The following ZNF385C variants were observed in gnomAD, a reference collection of about 807,000 sequenced individuals.
ZNF385C encodes the protein zinc finger protein 385C, also known as CTD-2132N18.2.
A neutral mutation model predicts 35.4 loss-of-function variants in ZNF385C; 28 were observed. That is an observed-to-expected ratio of 0.79 (90% CI 0.59 to 1.08). The LOEUF is 1.08. Among genes scored for constraint, ZNF385C ranks in the 50% least tolerant of loss-of-function variants. ZNF385C has a pLI of 0.00. For synonymous variants in ZNF385C, 248 were observed against 248.2 expected, an observed-to-expected ratio of 1.00 and a Z score of 0.01; for missense variants, 605 against 595.6, an observed-to-expected ratio of 1.02 and a Z score of -0.16.
chr17:42,060,586 G>A (rs1007822101), intron 2 of ZNF385C, among the ~76,000 whole-genome samples: 2 of 152,194 alleles, frequency 1.3e-5, no homozygotes, highest in Non-Finnish European at 2.9e-5. Context: ...CACCCAAAGA[G>A]CCATGGGCTT....
At position 42,039,629 on chromosome 17, in the gene ZNF385C, A is replaced by T. The variant is rs1193576739; in HGVS notation, c.251-1744T>A. ...GCAGTCAGCAGATCATCTTGGGTGC[A>T]GCATGGTCAAGTCTAGGTTGGCCCT... On this transcript the variant is annotated intron_variant, in intron 2 of 8. Transcript: ENST00000692273. 5.0e-6 allele frequency: 6 copies of T among 1,192,012 alleles called. No homozygotes were observed. In the African/African-American group the frequency reaches 9.4e-5, roughly 19 times the overall value. 73.8% of individuals were successfully genotyped at this position (1,192,012 alleles called of 1,614,324 possible). A position where few individuals can be genotyped will look rare whatever the true frequency, so the allele number is the denominator to read the frequency against.
In ZNF385C at chr17:42,028,942, A is replaced by T. The variant is rs1382232188; in HGVS notation, c.808T>A (p.Ser270Thr). 6 of 1,550,456 alleles carry T rather than the reference A, an allele frequency of 3.9e-6. No homozygotes were observed. The highest frequency in any genetic ancestry group is 5.2e-6 in the Non-Finnish European group (6 of 1,147,016). ...SSSSSSCPPC[S>T]PEPGREAPGP... is the part of the protein sequence containing the mutation. The stretch of plus-strand genomic sequence containing the variant: ...GGTGCCTCTCTCCCAGGCTCTGGGG[A>T]GCAAGGTGGGCAGGAGGAAGAAGAG... Residue 270 changes from serine (S) to threonine (T), a missense_variant, in exon 6 of 9, where the codon TCC becomes ACC. Physicochemically the swap from Ser to Thr is moderately conservative, Grantham distance 58 (BLOSUM62 1). Coordinates refer to ENST00000692273, the MANE Select transcript of ZNF385C (RefSeq NM_001392013.1).
At chr17:42,093,984 CT>C (rs782233998) in intron 1 of ZNF385C, among the ~76,000 whole-genome samples, 296 of 137,352 alleles carry the variant, frequency 2.2e-3, no homozygotes, top group East Asian at 4.0e-3. Flanking sequence ...GCATTATCAC[CT>C]TTTTTTTTTT....
At chr17:42,032,407 T>G (rs2052751467) in intron 4 of ZNF385C, among the ~76,000 whole-genome samples, 1 of 152,140 alleles carries the variant, frequency 6.6e-6, no homozygotes, top group African/African-American at 2.4e-5. Context: ...CTGAGTCTCC[T>G]CACCCATAAA....
chr17:42,066,184 C>T (rs781863638), intron 1 of ZNF385C, among the ~76,000 whole-genome samples: 6 of 152,072 alleles, frequency 3.9e-5, no homozygotes, highest in Admixed American at 2.0e-4. Flanking sequence ...CTCAGCCTCC[C>T]GAGTAGCTGG....
intron 1 of ZNF385C, among the ~76,000 whole-genome samples, chr17:42,069,947 C>G (rs2053600458): frequency 6.6e-6 from 1 of 152,172 alleles, no homozygotes; most frequent in Non-Finnish European, 1.5e-5. Context: ...GAGGCTGAGG[C>G]AGGAGAATTG....
intron 2 of ZNF385C, among the ~76,000 whole-genome samples, chr17:42,051,067 C>A (rs1555657082): frequency 6.6e-6 from 1 of 152,004 alleles, no homozygotes; most frequent in Non-Finnish European, 1.5e-5. Context: ...AGGGGAAGGG[C>A]ACTCCAGGCC....
chr17:42,047,659 CT>C (rs1233518697), intron 2 of ZNF385C, among the ~76,000 whole-genome samples: 31 of 146,194 alleles, frequency 2.1e-4, no homozygotes, highest in African/African-American at 4.3e-4. Flanking sequence ...TTCCTTGGGA[CT>C]TTTTTTTTTT....
At chr17:42,090,277 C>CTTTTTTTTTTTTTTTTTT (rs1162613191) in intron 1 of ZNF385C, among the ~76,000 whole-genome samples, 1 of 98,892 alleles carries the variant, frequency 1.0e-5, no homozygotes, top group African/African-American at 5.9e-5. Context: ...CTCTTATTCC[C>CTTTTTTTTTTTTTTTTTT]TTTTTTTTTT....
At chr17:42,043,617 G>C in intron 2 of ZNF385C, 1 of 353,294 alleles carries the variant, frequency 2.8e-6, no homozygotes, top group East Asian at 4.2e-5. Context: ...GGTAGGGGTG[G>C]TTTAGGGTGG....
chr17:42,029,666 A>T (rs1034595591), intron 5 of ZNF385C, among the ~76,000 whole-genome samples: 2 of 151,850 alleles, frequency 1.3e-5, no homozygotes, highest in Admixed American at 1.3e-4. Flanking sequence ...GTGAACTGAG[A>T]TCACACCACT....
Position 42,026,817 on chromosome 17 carries a change from T to C in ZNF385C, c.*80A>G. The C allele has an allele frequency of 7.4e-7, 1 of 1,353,252 alleles. No homozygotes were observed. The highest frequency in any genetic ancestry group is 1.0e-6 in the Non-Finnish European group (1 of 966,358). The allele number at this position is 1,353,252 out of a possible 1,614,324, so 83.8% of individuals were successfully genotyped here. On this transcript the variant is annotated 3_prime_UTR_variant, in exon 9 of 9. Coordinates refer to ENST00000692273, the MANE Select transcript of ZNF385C (RefSeq NM_001392013.1). Reference sequence around the variant, plus strand: ...GAAGCTGTTCACAGTCCCTGTGGCATGTAGGAAACCAAGGTGTCTCAGGAC... The same window carrying C: ...GAAGCTGTTCACAGTCCCTGTGGCACGTAGGAAACCAAGGTGTCTCAGGAC...
chr17:42,060,402 A>G lies in ZNF385C; in HGVS notation c.250+2405T>C, dbSNP rs2053442969. On this transcript the variant is annotated intron_variant, in intron 2 of 8. Coordinates refer to ENST00000692273, the MANE Select transcript of ZNF385C (RefSeq NM_001392013.1). ...ACCTTCAGAACAAAGGTCAAAGCCC[A>G]GCCTGGTGGCAAGGCTCTTGCAGGT... Among the ~76,000 whole-genome samples the G allele has an allele frequency of 1.3e-5, 2 of 152,222 alleles. 1 individual carries two copies. Among genetic ancestry groups the G allele is most frequent in the South Asian group, 4.1e-4 (2 of 4,828 alleles).
chr17:42,028,101 G>A lies in ZNF385C; in HGVS notation c.1113C>T (p.Phe371=). ...CCTGGAGCTGACAGAGAGCACAGTGGAAGGCAGGGCTGGGCCCCTGCCGGC... is the reference window on the plus strand; with the variant it reads ...CCTGGAGCTGACAGAGAGCACAGTGAAAGGCAGGGCTGGGCCCCTGCCGGC... ...RGGRQGPSPA[F]HCALCQLQVN... Residue 371 remains phenylalanine, a synonymous_variant, in exon 7 of 9, where the codon TTC becomes TTT. Coordinates refer to ENST00000692273, the MANE Select transcript of ZNF385C (RefSeq NM_001392013.1). 1 of 1,613,764 alleles carries A rather than the reference G, an allele frequency of 6.2e-7. No individual in the cohort carries two copies. Among genetic ancestry groups the A allele is most frequent in the Non-Finnish European group, 8.5e-7 (1 of 1,179,918 alleles).
intron 2 of ZNF385C, chr17:42,040,102 A>C: frequency 1.7e-5 from 21 of 1,231,308 alleles, no homozygotes; most frequent in Non-Finnish European, 2.1e-5. Flanking sequence ...GCCGCGCAGC[A>C]GCACCCGCAG....
intron 7 of ZNF385C, 124 bp downstream of exon 7, chr17:42,027,926 G>C: frequency 7.5e-7 from 1 of 1,332,108 alleles, no homozygotes; most frequent in South Asian, 1.4e-5. Context: ...TGGCCTGCTG[G>C]CCTCGCTTCT....
intron 1 of ZNF385C, among the ~76,000 whole-genome samples, chr17:42,083,877 C>A (rs747496380): frequency 6.6e-6 from 1 of 151,818 alleles, no homozygotes; most frequent in Non-Finnish European, 1.5e-5. Flanking sequence ...CACCAATACA[C>A]CAGGCTAATT....
At position 42,034,323 on chromosome 17, in the gene ZNF385C, G is replaced by A; in HGVS notation, c.412C>T (p.Gln138Ter). ...FPNFSTMDPV[Q>*]KAVISHTFGV... ...AACGTGTGGCTGATGACAGCTTTCT[G>A]GACCGGGTCCATCTGTGAAGGGAGT... Residue 138 changes from glutamine (Q) to a stop codon, truncating the protein, a stop_gained, in exon 4 of 9, where the codon CAG (glutamine) becomes TAG (stop). Coordinates refer to ENST00000692273, the MANE Select transcript of ZNF385C (RefSeq NM_001392013.1). LOFTEE classifies it high-confidence loss of function. 1.9e-6 allele frequency: 3 copies of A among 1,550,534 alleles called. No homozygotes were observed. The highest frequency in any genetic ancestry group is 1.7e-6 in the Non-Finnish European group (2 of 1,146,942).
At chr17:42,027,233 C>G (rs2052605070) in intron 8 of ZNF385C, 100 bp from the exon 9 acceptor site, 4 of 1,118,890 alleles carry the variant, frequency 3.6e-6, no homozygotes, top group Non-Finnish European at 5.3e-6. Context: ...GGAAAGCGTG[C>G]CTTTTAGAGT....
Sources: allele counts gnomAD v4.1 joint callset (sites outside exome capture counted in the v4.1 genomes callset), GRCh38; gene constraint gnomAD v4.1.1; transcripts MANE v1.5; gene names NCBI Gene and HGNC (gene_info 2026-07-23, HGNC 2026-07-21).